VPS13B: variants seen among roughly 807,000 people sequenced by gnomAD.
VPS13B encodes the protein vacuolar protein sorting 13 homolog B.
VPS13B carries 285 observed loss-of-function variants against 426.4 expected under a neutral mutation model. The ratio of observed to expected loss-of-function variants is 0.67; its 90% CI spans 0.61 to 0.74. The LOEUF (loss-of-function observed/expected upper bound fraction) is 0.74. Ranked by LOEUF, VPS13B falls within the 30% of genes least tolerant of loss-of-function variation. The pLI, the probability that VPS13B is intolerant of heterozygous loss-of-function variation, is 0.00. For missense variants in VPS13B, 4,537 were observed against 4,782.6 expected (o/e 0.95, Z 1.51); for synonymous variants, 1,676 against 1,676.4 (o/e 1.00, Z 0.01).
At position 99,875,896 on chromosome 8, in the gene VPS13B, C is replaced by CTGAT. The variant is rs1204706543; in HGVS notation, c.*231_*234dup. ...AAAGCCTAGGCAGCTCTAACATCAT[C>CTGAT]TGATATGGACACAAGGCCAACAGTT... On this transcript the variant is annotated 3_prime_UTR_variant, in exon 62 of 62. Coordinates refer to ENST00000357162, the MANE Select transcript of VPS13B (RefSeq NM_152564.5). 8 of 570,018 alleles carry CTGAT rather than the reference C, an allele frequency of 1.4e-5. No homozygotes were observed. Among genetic ancestry groups the CTGAT allele is most frequent in the South Asian group, 8.2e-5 (4 of 48,992 alleles). 35.3% of individuals were successfully genotyped at this position (570,018 alleles called of 1,614,324 possible).
chr8:99,753,211 A>G (rs1219926293), intron 39 of VPS13B, among the ~76,000 whole-genome samples: 1 of 152,148 alleles, frequency 6.6e-6, no homozygotes, highest in Non-Finnish European at 1.5e-5. Flanking sequence ...AATCTTATGT[A>G]TTTCTTCAGA....
intron 35 of VPS13B, among the ~76,000 whole-genome samples, chr8:99,677,603 AG>A (rs769659806): frequency 2.6e-5 from 4 of 152,180 alleles, no homozygotes; most frequent in African/African-American, 4.8e-5. Flanking sequence ...GGTGCCCTCA[AG>A]GGTTTACACC....
intron 28 of VPS13B, chr8:99,507,716 G>A (rs928333599): frequency 1.9e-6 from 3 of 1,612,228 alleles, no homozygotes; most frequent in African/African-American, 2.7e-5. Flanking sequence ...TTTGCTTATG[G>A]CTTTTATTGC....
intron 40 of VPS13B, among the ~76,000 whole-genome samples, chr8:99,768,499 T>C (rs558577951): frequency 6.6e-6 from 1 of 152,338 alleles, no homozygotes; most frequent in South Asian, 2.1e-4. Flanking sequence ...CATATGTTCA[T>C]TGAAGAACAT....
chr8:99,056,777 T>G (rs1435686758), intron 3 of VPS13B, among the ~76,000 whole-genome samples: 1 of 152,214 alleles, frequency 6.6e-6, no homozygotes, highest in Non-Finnish European at 1.5e-5. Flanking sequence ...GCTCTATCTT[T>G]GTGCTGGTTG....
chr8:99,505,938 T>C (rs1821477131), intron 27 of VPS13B, among the ~76,000 whole-genome samples: 2 of 152,354 alleles, frequency 1.3e-5, no homozygotes, highest in South Asian at 4.1e-4. Context: ...AATTTTGTTT[T>C]ATAAGATGAC....
chr8:99,589,348 C>T (rs1176181028), intron 33 of VPS13B, among the ~76,000 whole-genome samples: 2 of 151,684 alleles, frequency 1.3e-5, no homozygotes, highest in East Asian at 3.9e-4. Flanking sequence ...AATGCTATCC[C>T]TCCCCGCTCC....
At chr8:99,859,117 A>G (rs539550015) in intron 56 of VPS13B, among the ~76,000 whole-genome samples, 187 bp from the exon 57 acceptor site, 2 of 152,346 alleles carry the variant, frequency 1.3e-5, no homozygotes, top group Admixed American at 6.5e-5. Flanking sequence ...TTTATAAAGT[A>G]TGAAAGTTTG....
intron 19 of VPS13B, among the ~76,000 whole-genome samples, chr8:99,282,737 A>G (rs538987535): frequency 3.9e-4 from 60 of 152,314 alleles, no homozygotes; most frequent in African/African-American, 1.4e-3. Flanking sequence ...TTATTTTAAA[A>G]TAATTTAAAA....
intron 21 of VPS13B, among the ~76,000 whole-genome samples, chr8:99,431,055 GT>G (rs534051426): frequency 6.6e-6 from 1 of 152,240 alleles, no homozygotes; most frequent in South Asian, 2.1e-4. Flanking sequence ...TTATTGGTAA[GT>G]TTTTGTTATC....
chr8:99,740,498 A>T (rs1809652059), intron 39 of VPS13B, among the ~76,000 whole-genome samples: 1 of 152,336 alleles, frequency 6.6e-6, no homozygotes, highest in East Asian at 1.9e-4. Flanking sequence ...CCTCGAGAAG[A>T]GCAACTCCAA....
intron 29 of VPS13B, among the ~76,000 whole-genome samples, chr8:99,516,521 G>T (rs960960570): frequency 6.6e-6 from 1 of 151,914 alleles, no homozygotes; most frequent in Non-Finnish European, 1.5e-5. Flanking sequence ...AGGCATGGTG[G>T]CTCATGCCTG....
chr8:99,820,140 A>G lies in VPS13B; in HGVS notation c.8994+18A>G. On this transcript the variant is annotated intron_variant, in intron 49 of 61. Transcript: ENST00000357162. ...ATTTTCAGGTACTATAACTTTTTTAACTAATACGAATTCTTATCTCTCAAC... is the reference window on the plus strand; with the variant it reads ...ATTTTCAGGTACTATAACTTTTTTAGCTAATACGAATTCTTATCTCTCAAC... 1 of 1,606,138 alleles carries G rather than the reference A, an allele frequency of 6.2e-7. No homozygotes were observed. Among genetic ancestry groups the G allele is most frequent in the Non-Finnish European group, 8.5e-7 (1 of 1,173,460 alleles).
At chr8:99,590,654 G>A (rs182886828) in intron 33 of VPS13B, among the ~76,000 whole-genome samples, 1 of 152,284 alleles carries the variant, frequency 6.6e-6, no homozygotes, top group Admixed American at 6.5e-5. Flanking sequence ...TTTTGAGTGA[G>A]TTTCTTAATC....
At chr8:99,511,620 C>T in intron 29 of VPS13B, 108 bp downstream of exon 29, 1 of 1,158,356 alleles carries the variant, frequency 8.6e-7, no homozygotes, top group East Asian at 2.6e-5. Context: ...GTTGGTTGTG[C>T]TTTGTGGTTT....
Position 99,151,637 on chromosome 8 carries a change from G to A in VPS13B, c.2013+3627G>A, listed in dbSNP as rs537825036. ...CAACCTCCACCTCCCGGGTTCAAGC[G>A]ATTCTCCTTCCTCAGCCTCCTGAGT... On this transcript the variant is annotated intron_variant, in intron 14 of 61. Coordinates refer to ENST00000357162, the MANE Select transcript of VPS13B (RefSeq NM_152564.5). Among the ~76,000 whole-genome samples, 122 of 152,000 alleles carry A rather than the reference G, an allele frequency of 8.0e-4. 2 individuals are homozygous for A. In the South Asian group the frequency reaches 0.011, roughly 14 times the overall value.
intron 35 of VPS13B, among the ~76,000 whole-genome samples, chr8:99,695,050 A>G (rs1831895218): frequency 6.8e-6 from 1 of 147,386 alleles, no homozygotes; most frequent in African/African-American, 2.5e-5. Context: ...AGGAAACAAC[A>G]GGTGCTGGAG....
chr8:99,758,695 T>C (rs982071725), intron 39 of VPS13B, among the ~76,000 whole-genome samples: 3 of 152,138 alleles, frequency 2.0e-5, no homozygotes, highest in Admixed American at 6.5e-5. Flanking sequence ...GATGCATTTC[T>C]TCCTGTCTAG....
chr8:99,246,606 G>C (rs146880694), intron 17 of VPS13B, among the ~76,000 whole-genome samples: 1 of 152,010 alleles, frequency 6.6e-6, no homozygotes, highest in African/African-American at 2.4e-5. Context: ...GGTGGCTCAC[G>C]CCTGTAATCC....
Sources: allele counts gnomAD v4.1 joint callset (sites outside exome capture counted in the v4.1 genomes callset), GRCh38; gene constraint gnomAD v4.1.1; transcripts MANE v1.5; gene names NCBI Gene and HGNC (gene_info 2026-07-23, HGNC 2026-07-21).